The following KIF13A variants were observed in gnomAD, a reference collection of about 807,000 sequenced individuals.
KIF13A encodes the protein kinesin-like protein KIF13A.
A neutral mutation model predicts 212.2 loss-of-function variants in KIF13A; 79 were observed. The observed-to-expected ratio is 0.37, with a 90% CI of 0.31 to 0.45. The LOEUF is 0.45. Ranked by LOEUF, KIF13A falls within the 20% of genes least tolerant of loss-of-function variation. The pLI, the probability that KIF13A is intolerant of heterozygous loss-of-function variation, is 1.00. For synonymous variants in KIF13A, 789 were observed against 808.6 expected (o/e 0.98, Z 0.41); for missense variants, 1,901 against 2,209.0 (o/e 0.86, Z 2.79).
Position 17,886,042 on chromosome 6 carries a change from TA to T in KIF13A, c.159+12125del. ...CAAACACAGAATACTTCTTCTTCAA[TA>T]AAAACAGTCCAAAAGATAAGTTGCA... On this transcript the variant is annotated intron_variant, in intron 3 of 38. Coordinates refer to ENST00000259711, the MANE Select transcript of KIF13A (RefSeq NM_022113.6). The surrounding 1 kb of genome is among the most constrained non-coding windows in gnomAD (Gnocchi z 5.6). Among the ~76,000 whole-genome samples, 1 of 152,210 alleles carries T rather than the reference TA, an allele frequency of 6.6e-6. No individual in the cohort carries two copies.
chr6:17,880,615 G>A (rs1022589319), intron 3 of KIF13A, among the ~76,000 whole-genome samples: 6 of 135,208 alleles, frequency 4.4e-5, no homozygotes, highest in Non-Finnish European at 9.3e-5. Context: ...GTGACAGGGC[G>A]AGACTCTGTC....
intron 3 of KIF13A, among the ~76,000 whole-genome samples, chr6:17,876,600 A>G (rs1440716701): frequency 1.3e-5 from 2 of 150,438 alleles, no homozygotes; most frequent in African/African-American, 4.9e-5. Context: ...TTTATCATGT[A>G]TATGATCTGT....
chr6:17,781,220 C>T lies in KIF13A; in HGVS notation c.3626G>A (p.Ser1209Asn), dbSNP rs771329476. The T allele has an allele frequency of 6.2e-7, 1 of 1,613,888 alleles. No individual in the cohort carries two copies. Residue 1209 changes from serine to asparagine, a missense_variant, in exon 30 of 39, where the codon AGC becomes AAC. Ser to Asn is a conservative substitution (Grantham distance 46, BLOSUM62 1). Around this residue, in one of 5 missense-constraint regions of KIF13A, gnomAD observed 687 missense variants for 759.1 expected, o/e 0.90. Coordinates refer to ENST00000259711, the MANE Select transcript of KIF13A (RefSeq NM_022113.6). The stretch of plus-strand genomic sequence containing the variant: ...TATGATGGGCAGGTAGAAAAACTGG[C>T]TGCCATGCTCCTTGGGCAGGATGGA... ...VNSILPKEHG[S>N]QFFYLPIIKH...
chr6:17,846,941 T>C (rs981530636), intron 9 of KIF13A, among the ~76,000 whole-genome samples: 5 of 152,208 alleles, frequency 3.3e-5, no homozygotes, highest in African/African-American at 4.8e-5. Context: ...CACTTAGAAC[T>C]TGGTGACCTG....
intron 2 of KIF13A, among the ~76,000 whole-genome samples, chr6:17,940,397 T>C (rs1395419598): frequency 2.6e-5 from 4 of 152,206 alleles, no homozygotes; most frequent in Non-Finnish European, 2.9e-5. Context: ...GATTCGAGCA[T>C]GCAAATTAAG....
At chr6:17,917,388 CCGCCACCA>C (rs1028834839) in intron 2 of KIF13A, among the ~76,000 whole-genome samples, 2 of 151,500 alleles carry the variant, frequency 1.3e-5, no homozygotes, top group Non-Finnish European at 2.9e-5. Context: ...TTACAGGTGC[CCGCCACCA>C]CGCCCAGCTA....
intron 3 of KIF13A, among the ~76,000 whole-genome samples, chr6:17,877,725 C>A (rs1770699189): frequency 6.6e-6 from 1 of 151,280 alleles, no homozygotes; most frequent in Admixed American, 6.6e-5. Flanking sequence ...GGGCACTGTG[C>A]CCAAGCTTGA....
intron 2 of KIF13A, among the ~76,000 whole-genome samples, chr6:17,973,839 A>T (rs2150615664): frequency 6.6e-6 from 1 of 152,306 alleles, no homozygotes; most frequent in Middle Eastern, 3.4e-3. Flanking sequence ...CTTTGCTAGA[A>T]TTGTCACATC....
intron 2 of KIF13A, among the ~76,000 whole-genome samples, chr6:17,954,876 GCT>G (rs1020103874): frequency 6.6e-6 from 1 of 152,102 alleles, no homozygotes; most frequent in Non-Finnish European, 1.5e-5. Flanking sequence ...ACGGGGTCTT[GCT>G]ATGTTGTCCA....
chr6:17,928,731 T>C (rs889035293), intron 2 of KIF13A, among the ~76,000 whole-genome samples: 6 of 152,054 alleles, frequency 3.9e-5, no homozygotes, highest in Admixed American at 3.3e-4. Flanking sequence ...GTCACATGTG[T>C]TAAATGTCAT....
intron 20 of KIF13A, among the ~76,000 whole-genome samples, chr6:17,800,590 C>T (rs1034197495): frequency 7.1e-6 from 1 of 140,172 alleles, no homozygotes; most frequent in Non-Finnish European, 1.5e-5. Flanking sequence ...GTGCGTGCTA[C>T]CACGCCCAGC....
intron 32 of KIF13A, among the ~76,000 whole-genome samples, 158 bp from the exon 33 acceptor site, chr6:17,779,257 A>ATTT (rs3076205): frequency 2.4e-4 from 9 of 37,838 alleles, no homozygotes; most frequent in African/African-American, 3.5e-4. Context: ...ATATATATAT[A>ATTT]TTTTTTTTTT....
chr6:17,964,205 T>TA (rs1243620127), intron 2 of KIF13A, among the ~76,000 whole-genome samples: 1 of 152,158 alleles, frequency 6.6e-6, no homozygotes, highest in African/African-American at 2.4e-5. Flanking sequence ...CAGTTTAGAG[T>TA]AAATCAGCTC....
rs1766011677 is a variant in KIF13A, at chr6:17,836,898, C to G, written c.1135G>C (p.Glu379Gln). Reference sequence around the variant, plus strand: ...TTTACCTCTGCCTGAGAGAGCTGCTCTCTCAGTTTCTCGACTTCCTCCCGC... The same window carrying G: ...TTTACCTCTGCCTGAGAGAGCTGCTGTCTCAGTTTCTCGACTTCCTCCCGC... ...ELREEVEKLR[E>Q]QLSQAEAMKA... is the part of the protein sequence containing the mutation. Residue 379 changes from glutamate to glutamine, a missense_variant, in exon 11 of 39, where the codon GAG becomes CAG. Transcript: ENST00000259711. 1 of 1,613,766 alleles carries G rather than the reference C, an allele frequency of 6.2e-7. No homozygotes were observed. Among genetic ancestry groups the G allele is most frequent in the African/African-American group, 1.3e-5 (1 of 74,928 alleles).
At chr6:17,975,187 T>TA (rs970124142) in intron 2 of KIF13A, among the ~76,000 whole-genome samples, 39 of 151,708 alleles carry the variant, frequency 2.6e-4, no homozygotes, top group African/African-American at 7.5e-4. Flanking sequence ...CTACTAAAAA[T>TA]AAAAAAATAA....
chr6:17,849,272 A>G lies in KIF13A; in HGVS notation c.830+105T>C, dbSNP rs1767396343. 4.1e-6 allele frequency: 3 copies of G among 737,032 alleles called. No homozygotes were observed. In the East Asian group the frequency reaches 8.3e-5, roughly 20 times the overall value. The allele number at this position is 737,032 out of a possible 1,614,324, so 45.7% of individuals were successfully genotyped here. Reference sequence around the variant, plus strand: ...CTTCAGCCCAGTTTACTAAAGCTATACAGACTTTAAACAACCTGTACATCA... The same window carrying G: ...CTTCAGCCCAGTTTACTAAAGCTATGCAGACTTTAAACAACCTGTACATCA... On this transcript the variant is annotated intron_variant, in intron 9 of 38. Transcript: ENST00000259711. This position sits in a 1 kb window ranked among gnomAD's most constrained non-coding sequence, Gnocchi z 5.7.
At position 17,912,541 on chromosome 6, in the gene KIF13A, T is replaced by C. The variant is rs778881799; in HGVS notation, c.147-14361A>G. 6.6e-6 allele frequency among the ~76,000 whole-genome samples: 1 copy of C among 152,238 alleles called. No homozygotes were observed. The highest frequency in any genetic ancestry group is 1.5e-5 in the Non-Finnish European group (1 of 68,048). The stretch of plus-strand genomic sequence containing the variant: ...TAAGCACTTATTAGCATATAGACAA[T>C]GCTTATTAAATTCTACTGAATAAAC... On this transcript the variant is annotated intron_variant, in intron 2 of 38. Transcript: ENST00000259711. The surrounding 1 kb of genome is among the most constrained non-coding windows in gnomAD (Gnocchi z 4.2).
In KIF13A at chr6:17,825,103, G is replaced by A. The variant is rs147675187; in HGVS notation, c.1786+665C>T. 2.1e-3 allele frequency among the ~76,000 whole-genome samples: 316 copies of A among 152,188 alleles called. 1 individual carries two copies. The highest frequency in any genetic ancestry group is 7.5e-3 in the African/African-American group (310 of 41,498). On this transcript the variant is annotated intron_variant, in intron 16 of 38. Transcript: ENST00000259711. This position sits in a 1 kb window ranked among gnomAD's most constrained non-coding sequence, Gnocchi z 4.5. ...GACACTGGGAGATGGGAAAAGAAAGGGCAGATTTATAAAACAGCAAAAAAG... is the reference window on the plus strand; with the variant it reads ...GACACTGGGAGATGGGAAAAGAAAGAGCAGATTTATAAAACAGCAAAAAAG...
intron 16 of KIF13A, chr6:17,822,050 T>TTTTA: frequency 1.1e-6 from 1 of 902,164 alleles, no homozygotes; most frequent in Non-Finnish European, 1.6e-6. Context: ...CTTCTTTTTT[T>TTTTA]TTTTTTTGTG....
Sources: gnomAD v4.1 joint callset for allele counts (sites outside exome capture counted in the v4.1 genomes callset) on GRCh38, gnomAD v4.1.1 for gene constraint, gnomAD v4.1.1 regional missense constraint, Gnocchi (gnomAD v3.1) non-coding constraint, MANE v1.5 for transcripts, NCBI Gene and HGNC (gene_info 2026-07-23, HGNC 2026-07-21) for gene names.